Variants in NOTCH2NLC observed in about 807,000 individuals in gnomAD.
The protein encoded by NOTCH2NLC is notch 2 N-terminal like C.
A neutral mutation model predicts 17.7 loss-of-function variants in NOTCH2NLC; 4 were observed. The ratio of observed to expected loss-of-function variants is 0.23; its 90% CI spans 0.11 to 0.52. NOTCH2NLC has a LOEUF of 0.52. NOTCH2NLC is among the 20% of genes least tolerant of loss of function. NOTCH2NLC has a pLI of 0.96. For missense variants in NOTCH2NLC, 57 were observed against 207.2 expected, an observed-to-expected ratio of 0.28 and a Z score of 4.45; for synonymous variants, 18 against 86.0, an observed-to-expected ratio of 0.21 and a Z score of 4.38.
At position 149,400,140 on chromosome 1, in the gene NOTCH2NLC, T is replaced by TATA. The variant is rs1177183791; in HGVS notation, c.135+9218_135+9219insATA. 1.0e-3 allele frequency among the ~76,000 whole-genome samples: 126 copies of TATA among 124,176 alleles called. 1 individual carries two copies. The South Asian group carries it at 0.015, about 15-fold the overall frequency. The allele number at this position is 124,176 out of a possible 152,430, so 81.5% of individuals were successfully genotyped here. A position where few individuals can be genotyped will look rare whatever the true frequency, so the allele number is the denominator to read the frequency against. ...TATATATATATATATATAATATATA[T>TATA]TTTTTTTTTAGTTTATGAACAGATC... On this transcript the variant is annotated intron_variant, in intron 1 of 4. Transcript: ENST00000650865.
chr1:149,391,017 C>G (rs2084163078), intron 1 of NOTCH2NLC, 95 bp downstream of exon 1: 6 of 1,034,908 alleles, frequency 5.8e-6, no homozygotes, highest in Non-Finnish European at 7.2e-6. Flanking sequence ...GTGGGAAGGC[C>G]AGGCTCGGCC....
chr1:149,399,861 G>A (rs1457197490), intron 1 of NOTCH2NLC, among the ~76,000 whole-genome samples: 55 of 148,274 alleles, frequency 3.7e-4, no homozygotes, highest in Admixed American at 3.4e-3. Flanking sequence ...GTAGGTTTAC[G>A]TAGCAACAGA....
Position 149,390,884 on chromosome 1 carries a change from T to C in NOTCH2NLC, c.97T>C (p.Cys33Arg). The change falls in exon 1 of 5, where the codon TGC (cysteine) becomes CGC (arginine). Residue 33 changes from cysteine (C) to arginine (R), a missense_variant. By Grantham distance (180) the Cys-to-Arg change is radical. Coordinates refer to ENST00000650865, the MANE Select transcript of NOTCH2NLC (RefSeq NM_001364013.2). ...ARPAPLCCGR[C>R]WRSGCAARPP... ...CCCTGCGCCGCTCTGCTGTGGGCGC[T>C]GCTGGCGCTCTGGCTGTGCTGCGCG... The C allele has an allele frequency of 6.9e-7, 1 of 1,447,852 alleles. No individual in the cohort carries two copies. The highest frequency in any genetic ancestry group is 9.0e-7 in the Non-Finnish European group (1 of 1,107,194). The allele number at this position is 1,447,852 out of a possible 1,614,324, so 89.7% of individuals were successfully genotyped here. A position where few individuals can be genotyped will look rare whatever the true frequency, so the allele number is the denominator to read the frequency against.
chr1:149,433,421 A>C (rs1358589372), intron 2 of NOTCH2NLC, among the ~76,000 whole-genome samples: 4 of 150,234 alleles, frequency 2.7e-5, no homozygotes, highest in Non-Finnish European at 5.9e-5. Context: ...CATTCTGCAC[A>C]TGTATCCCAA....
In NOTCH2NLC at chr1:149,412,116, C is replaced by CAA. The variant is rs71649388; in HGVS notation, c.136-18813_136-18812dup. Among the ~76,000 whole-genome samples, 4 of 49,338 alleles carry CAA rather than the reference C, an allele frequency of 8.1e-5. No homozygotes were observed. The East Asian group carries it at 1.5e-3, about 19-fold the overall frequency. 32.4% of individuals were successfully genotyped at this position (49,338 alleles called of 152,430 possible). A position where few individuals can be genotyped will look rare whatever the true frequency, so the allele number is the denominator to read the frequency against. On this transcript the variant is annotated intron_variant, in intron 1 of 4. Coordinates refer to ENST00000650865, the MANE Select transcript of NOTCH2NLC (RefSeq NM_001364013.2). ...GGGTGACAGAGCAAGATCCTGTCTC[C>CAA]AAAAAAAAAAAAAACAAAAAAAAAA...
chr1:149,409,355 G>GA (rs1442249849), intron 1 of NOTCH2NLC, among the ~76,000 whole-genome samples: 2,587 of 150,636 alleles, frequency 0.017, 91 homozygotes, highest in African/African-American at 0.033. Context: ...TGTGTGTTGG[G>GA]AGGAGGAATA....
rs1468380875 is a variant in NOTCH2NLC at position 149,460,953 on chromosome 1, TTCTG to T, written c.470-2534_470-2531del. On this transcript the variant is annotated intron_variant, in intron 3 of 4. Transcript: ENST00000650865. ...TCTTTCTCTCTCTTTCCCTCTCTCTTTCTGTCTTTCTTTCTTCTCACTCTGTTGC... is the reference window on the plus strand; with the variant it reads ...TCTTTCTCTCTCTTTCCCTCTCTCTTTCTTTCTTTCTTCTCACTCTGTTGC... 5.4e-4 allele frequency among the ~76,000 whole-genome samples: 78 copies of T among 143,684 alleles called. 6 individuals are homozygous for T. The highest frequency in any genetic ancestry group is 1.7e-4 in the Non-Finnish European group (11 of 65,306). 94.3% of individuals were successfully genotyped at this position (143,684 alleles called of 152,430 possible).
At chr1:149,393,244 T>TG (rs1467671671) in intron 1 of NOTCH2NLC, among the ~76,000 whole-genome samples, 1 of 150,492 alleles carries the variant, frequency 6.6e-6, no homozygotes, top group Non-Finnish European at 1.5e-5. Flanking sequence ...AGTTGAGTGT[T>TG]AGTCAAGTTG....
intron 1 of NOTCH2NLC, among the ~76,000 whole-genome samples, chr1:149,410,481 G>A (rs1442363930): frequency 1.4e-5 from 2 of 141,842 alleles, no homozygotes; most frequent in Non-Finnish European, 3.1e-5. Context: ...ACAAATATGT[G>A]TTGTTTGATT....
Position 149,392,872 on chromosome 1 carries a change from C to T in NOTCH2NLC, c.135+1950C>T. 1.3e-5 allele frequency among the ~76,000 whole-genome samples: 2 copies of T among 150,446 alleles called. 1 individual carries two copies. Among genetic ancestry groups the T allele is most frequent in the African/African-American group, 4.9e-5 (2 of 40,940 alleles). ...GGATCACGAGGTCAGGAGATCGAGA[C>T]CATCCCGGCTAAAACGGTGAAACCC... On this transcript the variant is annotated intron_variant, in intron 1 of 4. Coordinates refer to ENST00000650865, the MANE Select transcript of NOTCH2NLC (RefSeq NM_001364013.2).
At chr1:149,432,687 G>A (rs1408961327) in intron 2 of NOTCH2NLC, among the ~76,000 whole-genome samples, 3 of 150,094 alleles carry the variant, frequency 2.0e-5, no homozygotes, top group East Asian at 4.0e-4. Flanking sequence ...GCTAGAATGT[G>A]AGGTCTTAGT....
intron 2 of NOTCH2NLC, among the ~76,000 whole-genome samples, chr1:149,454,584 T>C (rs2084605627): frequency 6.6e-6 from 1 of 150,974 alleles, no homozygotes; most frequent in South Asian, 2.1e-4. Flanking sequence ...TATGGTATCT[T>C]AGATATTTTA....
chr1:149,427,002 T>C (rs1341693495), intron 1 of NOTCH2NLC, among the ~76,000 whole-genome samples: 2 of 149,816 alleles, frequency 1.3e-5, no homozygotes, highest in African/African-American at 4.9e-5. Flanking sequence ...AAGATTATTT[T>C]TCTTTTTTAA....
At chr1:149,461,146 G>C (rs1214238854) in intron 3 of NOTCH2NLC, among the ~76,000 whole-genome samples, 1 of 150,074 alleles carries the variant, frequency 6.7e-6, no homozygotes. Context: ...TGTTGGCCAG[G>C]CTGGTCTCAA....
At chr1:149,394,564 C>T (rs2084194679) in intron 1 of NOTCH2NLC, among the ~76,000 whole-genome samples, 1 of 151,046 alleles carries the variant, frequency 6.6e-6, no homozygotes, top group South Asian at 2.1e-4. Flanking sequence ...ATCTCGTTTT[C>T]CTTAAATGTC....
intron 2 of NOTCH2NLC, among the ~76,000 whole-genome samples, chr1:149,432,314 A>T (rs2084455927): frequency 6.6e-6 from 1 of 151,040 alleles, no homozygotes; most frequent in Non-Finnish European, 1.5e-5. Flanking sequence ...TTCAAGTCAG[A>T]AATAATTTTC....
chr1:149,399,208 C>T (rs2084229573), intron 1 of NOTCH2NLC, among the ~76,000 whole-genome samples: 1 of 151,094 alleles, frequency 6.6e-6, no homozygotes, highest in East Asian at 2.0e-4. Context: ...TTGTTGTTTG[C>T]TTCTTTTTCA....
chr1:149,419,043 CT>C (rs1296226232), intron 1 of NOTCH2NLC, among the ~76,000 whole-genome samples: 49 of 147,492 alleles, frequency 3.3e-4, no homozygotes, highest in East Asian at 4.0e-4. Context: ...TCTCTCCTTT[CT>C]TTTTTTCTTT....
At chr1:149,433,449 T>A in intron 2 of NOTCH2NLC, among the ~76,000 whole-genome samples, 1 of 150,806 alleles carries the variant, frequency 6.6e-6, no homozygotes, top group South Asian at 2.1e-4. Flanking sequence ...AAGCAAAATT[T>A]AAAAAAAGTT....
Sources: gnomAD v4.1 joint callset for allele counts (sites outside exome capture counted in the v4.1 genomes callset) on GRCh38, gnomAD v4.1.1 for gene constraint, MANE v1.5 for transcripts, NCBI Gene and HGNC (gene_info 2026-07-23, HGNC 2026-07-21) for gene names.